Variants in CHD7 observed in about 807,000 individuals in gnomAD.
CHD7 encodes the protein ATP-dependent chromatin remodeler CHD7.
A neutral mutation model predicts 307.3 loss-of-function variants in CHD7; 24 were observed. That is an observed-to-expected ratio of 0.08 (90% CI 0.06 to 0.11). The LOEUF is 0.11. Ranked by LOEUF, CHD7 falls within the 10% of genes least tolerant of loss-of-function variation. The pLI is 1.00. For synonymous variants in CHD7, 1,363 were observed against 1,349.9 expected, an observed-to-expected ratio of 1.01 and a Z score of -0.21; for missense variants, 3,106 against 3,727.1, an observed-to-expected ratio of 0.83 and a Z score of 4.34.
rs1812621391 is a variant in CHD7 at position 60,808,074 on chromosome 8, G to C, written c.2443-143G>C. 24 of 645,724 alleles carry C rather than the reference G, an allele frequency of 3.7e-5. 1 individual carries two copies. The South Asian group carries it at 4.5e-4, about 12-fold the overall frequency. 40.0% of individuals were successfully genotyped at this position (645,724 alleles called of 1,614,324 possible). On this transcript the variant is annotated intron_variant, in intron 6 of 37. Transcript: ENST00000423902. ...TCTTCGTGGCCCTGGCCACCTCCCA[G>C]CACACGGTGTGCTCATCTTACGTGA...
intron 7 of CHD7, among the ~76,000 whole-genome samples, chr8:60,811,397 C>G (rs889180266): frequency 2.0e-5 from 3 of 152,112 alleles, no homozygotes; most frequent in Non-Finnish European, 2.9e-5. Context: ...ATAATTTCCT[C>G]TTCGTTCTTA....
chr8:60,830,676 C>A, intron 15 of CHD7, 99 bp downstream of exon 15: 1 of 1,311,820 alleles, frequency 7.6e-7, no homozygotes, highest in Non-Finnish European at 1.1e-6. Flanking sequence ...TATAGTCATT[C>A]CTGTCTCCTG....
intron 2 of CHD7, among the ~76,000 whole-genome samples, chr8:60,770,466 T>G (rs1346557698): frequency 1.3e-5 from 2 of 152,206 alleles, no homozygotes; most frequent in Non-Finnish European, 2.9e-5. Context: ...TATAAAACAC[T>G]TAATTGCTTT....
intron 7 of CHD7, chr8:60,808,872 A>G (rs1295000564): frequency 6.6e-6 from 1 of 152,290 alleles, no homozygotes; most frequent in Non-Finnish European, 1.5e-5. Flanking sequence ...ATGAGCTAGG[A>G]TGTTTTCAGA....
At chr8:60,698,723 G>A (rs566152782) in intron 1 of CHD7, among the ~76,000 whole-genome samples, 1 of 152,330 alleles carries the variant, frequency 6.6e-6, no homozygotes, top group South Asian at 2.1e-4. Flanking sequence ...GAAATGAGCA[G>A]TGTAAAGATT....
At chr8:60,679,809 A>G (rs1361905011) in intron 1 of CHD7, 4 of 145,432 alleles carry the variant, frequency 2.8e-5, no homozygotes, top group African/African-American at 9.9e-5. Flanking sequence ...GGCGGCGGGG[A>G]AAGTGCGCGG....
intron 15 of CHD7, among the ~76,000 whole-genome samples, chr8:60,832,513 TGAG>T (rs545093676): frequency 3.3e-5 from 5 of 152,250 alleles, no homozygotes; most frequent in African/African-American, 9.6e-5. Flanking sequence ...TGGAGCGAGA[TGAG>T]GACACGTGTG....
Position 60,841,732 on chromosome 8 carries a change from A to G in CHD7, c.4622A>G (p.Asp1541Gly). The G allele has an allele frequency of 6.2e-7, 1 of 1,607,902 alleles. No homozygotes were observed. Among genetic ancestry groups the G allele is most frequent in the South Asian group, 1.1e-5 (1 of 90,992 alleles). Reference sequence around the variant, plus strand: ...AAGTGGGCTAAGAAGGCTGAATTGGATATTGATGCCTTAAATGGGAGGGTG... The same window carrying G: ...AAGTGGGCTAAGAAGGCTGAATTGGGTATTGATGCCTTAAATGGGAGGGTG... ...WQKWAKKAEL[D>G]IDALNGRNNL... is the part of the protein sequence containing the mutation. The change falls in exon 20 of 38, where the codon GAT (aspartate) becomes GGT (glycine). Residue 1541 changes from aspartate (D) to glycine (G), a missense_variant. Physicochemically the swap from Asp to Gly is moderately conservative, Grantham distance 94. Transcript: ENST00000423902.
chr8:60,737,759 A>G (rs1247269104), intron 1 of CHD7, among the ~76,000 whole-genome samples: 9 of 152,382 alleles, frequency 5.9e-5, no homozygotes, highest in African/African-American at 9.6e-5. Flanking sequence ...TAGTTAGACT[A>G]TTCCTCATCA....
At chr8:60,714,340 C>T (rs1181058508) in intron 1 of CHD7, among the ~76,000 whole-genome samples, 2 of 138,812 alleles carry the variant, frequency 1.4e-5, no homozygotes, top group Non-Finnish European at 3.0e-5. Context: ...GGGGCCGGAG[C>T]TGCGGCCACT....
intron 7 of CHD7, among the ~76,000 whole-genome samples, chr8:60,815,320 C>G (rs940079629): frequency 6.6e-6 from 1 of 151,988 alleles, no homozygotes; most frequent in Non-Finnish European, 1.5e-5. Context: ...AAACTTCTGA[C>G]TTCTGTGAAC....
chr8:60,771,446 T>G (rs912722995), intron 2 of CHD7, among the ~76,000 whole-genome samples: 1 of 152,324 alleles, frequency 6.6e-6, no homozygotes, highest in African/African-American at 2.4e-5. Flanking sequence ...ATCCTTTGAG[T>G]GGTATTTCAG....
At chr8:60,816,892 G>C (rs1803774126) in intron 8 of CHD7, among the ~76,000 whole-genome samples, 2 of 152,292 alleles carry the variant, frequency 1.3e-5, no homozygotes, top group South Asian at 2.1e-4. Flanking sequence ...GAAAGTATGT[G>C]GCAAATTTCT....
In CHD7 at chr8:60,841,915, T is replaced by C; in HGVS notation, c.4713T>C (p.Asp1571=). 6.2e-7 allele frequency: 1 copy of C among 1,611,694 alleles called. No homozygotes were observed. Among genetic ancestry groups the C allele is most frequent in the Non-Finnish European group, 8.5e-7 (1 of 1,178,704 alleles). ...GGCTCTACAGTGCAGTGAAGGAAGA[T>C]GAGCTGATGGAGTTCTCAGACTTGG... ...QTRLYSAVKE[D]ELMEFSDLES... Residue 1571 remains aspartate (D), a synonymous_variant, in exon 21 of 38, where the codon GAT becomes GAC. Transcript: ENST00000423902.
At chr8:60,746,265 A>G (rs189949678) in intron 2 of CHD7, among the ~76,000 whole-genome samples, 21 of 152,356 alleles carry the variant, frequency 1.4e-4, no homozygotes. Flanking sequence ...GATAGGTTAA[A>G]TATTATGTAA....
chr8:60,715,662 T>TG (rs1807563308), intron 1 of CHD7, among the ~76,000 whole-genome samples: 1 of 151,972 alleles, frequency 6.6e-6, no homozygotes, highest in Non-Finnish European at 1.5e-5. Context: ...AGCTTCCCTT[T>TG]GGGGCCGCGT....
Position 60,781,293 on chromosome 8 carries a change from G to A in CHD7, c.1959G>A (p.Pro653=), listed in dbSNP as rs747024874. Reference sequence around the variant, plus strand: ...AAAGGTCAAAGGCAAAAAAAGACCCGAAGGAACCGAAAGAACCCAAGGAGA... The same window carrying A: ...AAAGGTCAAAGGCAAAAAAAGACCCAAAGGAACCGAAAGAACCCAAGGAGA... ...KKKRSKAKKD[P]KEPKEPKEKK... Residue 653 remains proline (P), a synonymous_variant, in exon 3 of 38, where the codon CCG becomes CCA. Transcript: ENST00000423902. 5.1e-5 allele frequency: 79 copies of A among 1,563,984 alleles called. No individual in the cohort carries two copies. Among genetic ancestry groups the A allele is most frequent in the East Asian group, 2.4e-5 (1 of 41,772 alleles).
At chr8:60,701,354 C>T (rs949904658) in intron 1 of CHD7, among the ~76,000 whole-genome samples, 3 of 152,166 alleles carry the variant, frequency 2.0e-5, no homozygotes, top group Non-Finnish European at 4.4e-5. Flanking sequence ...TCTTTATTTG[C>T]GGACTGTCCC....
At chr8:60,751,434 G>A (rs1392818754) in intron 2 of CHD7, among the ~76,000 whole-genome samples, 3 of 152,108 alleles carry the variant, frequency 2.0e-5, no homozygotes, top group Admixed American at 6.5e-5. Flanking sequence ...TGGGTTAGGG[G>A]GACAATTAAG....
Sources: gnomAD v4.1 joint callset for allele counts (sites outside exome capture counted in the v4.1 genomes callset) on GRCh38, gnomAD v4.1.1 for gene constraint, MANE v1.5 for transcripts, NCBI Gene and HGNC (gene_info 2026-07-23, HGNC 2026-07-21) for gene names.